Variants in PXYLP1 observed in about 807,000 individuals in gnomAD.
PXYLP1 encodes acid phosphatase-like 2.
A neutral mutation model predicts 37.9 loss-of-function variants in PXYLP1; 17 were observed. The ratio of observed to expected loss-of-function variants is 0.45; its 90% CI spans 0.31 to 0.67. PXYLP1 has a LOEUF of 0.67. PXYLP1 is among the 30% of genes least tolerant of loss of function. PXYLP1 has a pLI of 0.07. For synonymous variants in PXYLP1, 221 were observed against 232.2 expected (o/e 0.95, Z 0.44); for missense variants, 511 against 612.0 (o/e 0.84, Z 1.74).
At chr3:141,259,786 T>C (rs929053180) in intron 1 of PXYLP1, among the ~76,000 whole-genome samples, 1 of 152,264 alleles carries the variant, frequency 6.6e-6, no homozygotes, top group African/African-American at 2.4e-5. Context: ...ATTTCCCTTA[T>C]TGTCCAGCAC....
intron 1 of PXYLP1, among the ~76,000 whole-genome samples, chr3:141,243,089 A>T (rs1940851933): frequency 6.6e-6 from 1 of 152,178 alleles, no homozygotes; most frequent in African/African-American, 2.4e-5. Context: ...ATGAGCTGTG[A>T]CTTGGGGACC....
At chr3:141,256,626 A>G (rs1941269245) in intron 1 of PXYLP1, among the ~76,000 whole-genome samples, 1 of 152,206 alleles carries the variant, frequency 6.6e-6, no homozygotes, top group Admixed American at 6.5e-5. Context: ...TGAATTTTGG[A>G]TTCTATCATC....
intron 1 of PXYLP1, among the ~76,000 whole-genome samples, chr3:141,250,012 G>GA (rs912065978): frequency 3.4e-5 from 5 of 147,156 alleles, no homozygotes; most frequent in Non-Finnish European, 7.5e-5. Flanking sequence ...GTTCACAAAG[G>GA]AAAAAAAAAA....
At chr3:141,275,413 C>T (rs560319161) in intron 2 of PXYLP1, among the ~76,000 whole-genome samples, 3 of 152,238 alleles carry the variant, frequency 2.0e-5, no homozygotes, top group Non-Finnish European at 4.4e-5. Context: ...TTCTGTGTCA[C>T]TCATATTATC....
At chr3:141,236,533 C>CT (rs1371941198) in intron 1 of PXYLP1, 1 of 152,134 alleles carries the variant, frequency 6.6e-6, no homozygotes, top group Non-Finnish European at 1.5e-5. Flanking sequence ...AGACATGTGT[C>CT]TTTTCAACCA....
At chr3:141,273,792 C>T (rs1269120140) in intron 2 of PXYLP1, 3 of 985,044 alleles carry the variant, frequency 3.0e-6, no homozygotes, top group Non-Finnish European at 3.6e-6. Context: ...AATTTGCCCT[C>T]CTACTTGGTA....
At chr3:141,249,415 C>A (rs1017626066) in intron 1 of PXYLP1, among the ~76,000 whole-genome samples, 1 of 148,932 alleles carries the variant, frequency 6.7e-6, no homozygotes, top group African/African-American at 2.5e-5. Flanking sequence ...ATAACCTGTC[C>A]TTTCAGGTGT....
chr3:141,253,869 T>TA (rs3069339), intron 1 of PXYLP1, among the ~76,000 whole-genome samples: 4 of 146,648 alleles, frequency 2.7e-5, no homozygotes, highest in African/African-American at 5.0e-5. Flanking sequence ...CTAATATATA[T>TA]TAGATATGTA....
At position 141,279,398 on chromosome 3, in the gene PXYLP1, A is replaced by C. The variant is rs996856998; in HGVS notation, c.259A>C (p.Lys87Gln). 10 of 1,614,110 alleles carry C rather than the reference A, an allele frequency of 6.2e-6. No homozygotes were observed. The African/African-American group carries it at 1.2e-4, about 19-fold the overall frequency. The change falls in exon 4 of 6, where the codon AAG becomes CAG. Residue 87 changes from lysine (K) to glutamine (Q), a missense_variant. Transcript: ENST00000286353. ...CGCAGGTCATGCCCCGCATCATTTT[A>C]AGCTGGTCTCAGTGCATGTGTTCAT... ...SMEGHAPHHF[K>Q]LVSVHVFIRH...
At chr3:141,243,847 G>A (rs1293118055) in intron 1 of PXYLP1, among the ~76,000 whole-genome samples, 2 of 152,164 alleles carry the variant, frequency 1.3e-5, no homozygotes, top group Non-Finnish European at 2.9e-5. Context: ...AAAACCACTG[G>A]TCTCTATAAT....
rs1425663687 is a variant in PXYLP1 at position 141,293,215 on chromosome 3, A to G, written c.*10A>G. The G allele has an allele frequency of 6.2e-6, 10 of 1,606,926 alleles. No homozygotes were observed. The South Asian group carries it at 7.8e-5, about 13-fold the overall frequency. ...CAGGGAAGGATTCTAAAAGGTATGCAGTACAGCAGTATAGAATCCATGCCA... is the reference window on the plus strand; with the variant it reads ...CAGGGAAGGATTCTAAAAGGTATGCGGTACAGCAGTATAGAATCCATGCCA... On this transcript the variant is annotated 3_prime_UTR_variant, in exon 6 of 6. Transcript: ENST00000286353.
intron 1 of PXYLP1, among the ~76,000 whole-genome samples, chr3:141,237,586 G>T (rs1368240946): frequency 6.6e-6 from 1 of 152,168 alleles, no homozygotes; most frequent in African/African-American, 2.4e-5. Context: ...AATACATGAT[G>T]AGGGCTTAGA....
chr3:141,265,571 C>A (rs1941488543), intron 2 of PXYLP1, among the ~76,000 whole-genome samples: 1 of 151,782 alleles, frequency 6.6e-6, no homozygotes, highest in Non-Finnish European at 1.5e-5. Flanking sequence ...AGGTATTGAC[C>A]CTGAAAGGAA....
chr3:141,258,876 C>T (rs1275147680), intron 1 of PXYLP1: 5 of 152,198 alleles, frequency 3.3e-5, no homozygotes, highest in African/African-American at 9.7e-5. Context: ...ATGCTGGTTG[C>T]TGGACACACA....
intron 5 of PXYLP1, among the ~76,000 whole-genome samples, chr3:141,290,367 G>A (rs548305605): frequency 6.6e-6 from 1 of 152,362 alleles, no homozygotes; most frequent in African/African-American, 2.4e-5. Context: ...CTTCCCAGTG[G>A]CTGGTGGTGA....
chr3:141,269,881 G>A (rs1941618443), intron 2 of PXYLP1, among the ~76,000 whole-genome samples: 1 of 152,258 alleles, frequency 6.6e-6, no homozygotes, highest in Non-Finnish European at 1.5e-5. Context: ...GTTACCAGCA[G>A]CTCCCAGAAG....
intron 2 of PXYLP1, among the ~76,000 whole-genome samples, chr3:141,271,870 C>A (rs1282535138): frequency 1.3e-5 from 2 of 152,154 alleles, no homozygotes; most frequent in South Asian, 2.1e-4. Flanking sequence ...GCATGACAGC[C>A]CCCACCGGGC....
At chr3:141,247,127 G>A (rs1231417836) in intron 1 of PXYLP1, among the ~76,000 whole-genome samples, 1 of 152,204 alleles carries the variant, frequency 6.6e-6, no homozygotes, top group East Asian at 1.9e-4. Context: ...TGACATTCCA[G>A]GCACCTGCCC....
intron 2 of PXYLP1, among the ~76,000 whole-genome samples, chr3:141,270,611 G>A (rs968934113): frequency 2.6e-5 from 4 of 152,170 alleles, no homozygotes; most frequent in East Asian, 1.9e-4. Flanking sequence ...GTTTATTTGC[G>A]GGGAGAAATT....
Sources: allele counts gnomAD v4.1 joint callset (sites outside exome capture counted in the v4.1 genomes callset), GRCh38; gene constraint gnomAD v4.1.1; transcripts MANE v1.5; gene names NCBI Gene and HGNC (gene_info 2026-07-23, HGNC 2026-07-21).